Variants in HPR observed in about 807,000 individuals in gnomAD.
The protein encoded by HPR is haptoglobin-related protein, also known as Haptoglobin-related locus.
In HPR, 17 loss-of-function variants were observed where a neutral mutation model predicts 18.5. The observed-to-expected ratio is 0.92, with a 90% CI of 0.63 to 1.38. The LOEUF (loss-of-function observed/expected upper bound fraction) is 1.38, where lower values mean the gene tolerates loss of function less well. Ranked by LOEUF, HPR falls within the 40% of genes most tolerant of loss-of-function variation. HPR has a pLI of 0.00. For synonymous variants in HPR, 176 were observed against 165.0 expected, an observed-to-expected ratio of 1.07 and a Z score of -0.51; for missense variants, 457 against 432.4, an observed-to-expected ratio of 1.06 and a Z score of -0.51.
intron 1 of HPR, 134 bp from the exon 2 acceptor site, chr16:72,073,758 T>C (rs752786323): frequency 7.6e-6 from 12 of 1,582,534 alleles, no homozygotes; most frequent in South Asian, 1.1e-5. Flanking sequence ...GGCTGCTTAG[T>C]GGGAGGAGTG....
intron 1 of HPR, among the ~76,000 whole-genome samples, chr16:72,067,714 G>T (rs1323401397): frequency 2.6e-5 from 4 of 152,116 alleles, no homozygotes; most frequent in African/African-American, 9.7e-5. Context: ...ACCTATAATT[G>T]AAAGTCTCAT....
At chr16:72,068,935 C>T (rs1413111806) in intron 1 of HPR, among the ~76,000 whole-genome samples, 1 of 152,104 alleles carries the variant, frequency 6.6e-6, no homozygotes, top group Non-Finnish European at 1.5e-5. Context: ...AAAACTCAGG[C>T]CAGATCTAGG....
At chr16:72,067,120 G>A (rs2041606184) in intron 1 of HPR, among the ~76,000 whole-genome samples, 1 of 152,178 alleles carries the variant, frequency 6.6e-6, no homozygotes, top group South Asian at 2.1e-4. Context: ...TCCCAAATTA[G>A]AAAAGGAGAG....
chr16:72,063,592 T>C (rs2041565452), intron 1 of HPR, among the ~76,000 whole-genome samples: 2 of 152,142 alleles, frequency 1.3e-5, no homozygotes, highest in South Asian at 4.1e-4. Flanking sequence ...TCTTTAAAAA[T>C]GTATAATAAG....
At position 72,073,986 on chromosome 16, in the gene HPR, T is replaced by C. The variant is rs770748838; in HGVS notation, c.91+9T>C. 6.2e-7 allele frequency: 1 copy of C among 1,614,042 alleles called. No homozygotes were observed. The highest frequency in any genetic ancestry group is 8.5e-7 in the Non-Finnish European group (1 of 1,179,972). On this transcript the variant is annotated intron_variant, in intron 2 of 4. Transcript: ENST00000540303. ...TGTCACGGATATTTCAGGTCAGTCT[T>C]TGAGTTGGGTAGGAGCATGCATCCC...
At chr16:72,064,346 G>A (rs1174828144) in intron 1 of HPR, among the ~76,000 whole-genome samples, 10 of 152,086 alleles carry the variant, frequency 6.6e-5, no homozygotes. Flanking sequence ...CTGCTTTCAA[G>A]GCCAGACTTC....
chr16:72,065,503 C>T (rs1345545607), intron 1 of HPR, among the ~76,000 whole-genome samples: 1 of 152,112 alleles, frequency 6.6e-6, no homozygotes, highest in East Asian at 1.9e-4. Flanking sequence ...GGATATACCC[C>T]TTGATAGTCC....
In HPR at chr16:72,077,053, G is replaced by A. The variant is rs776331917; in HGVS notation, c.1019G>A (p.Trp340Ter). Residue 340 changes from tryptophan (W) to a stop codon, truncating the protein, a stop_gained, in exon 5 of 5, where the codon TGG becomes TAG. Transcript: ENST00000540303. LOFTEE classifies it high-confidence loss of function. ...GTGAAGGTGACTTCCATCCAGCACT[G>A]GGTTCAGAAGACCATAGCTGAGAAC... ...VYVKVTSIQH[W>*]VQKTIAEN 2.5e-5 allele frequency: 41 copies of A among 1,613,206 alleles called. No homozygotes were observed. The highest frequency in any genetic ancestry group is 1.3e-4 in the East Asian group (6 of 44,854).
intron 1 of HPR, among the ~76,000 whole-genome samples, chr16:72,064,931 A>G (rs1451244762): frequency 1.3e-5 from 2 of 152,198 alleles, no homozygotes; most frequent in Non-Finnish European, 2.9e-5. Context: ...CAGACTCTCA[A>G]CAACGTGGGG....
intron 1 of HPR, among the ~76,000 whole-genome samples, chr16:72,067,092 C>A (rs2041605933): frequency 6.6e-6 from 1 of 152,100 alleles, no homozygotes; most frequent in African/African-American, 2.4e-5. Context: ...GAAGGACAGC[C>A]CCCTTCAAAA....
chr16:72,067,094 C>CTT (rs1215074790), intron 1 of HPR, among the ~76,000 whole-genome samples: 1 of 152,142 alleles, frequency 6.6e-6, no homozygotes, highest in Non-Finnish European at 1.5e-5. Flanking sequence ...AGGACAGCCC[C>CTT]CTTCAAAAGA....
chr16:72,070,971 G>C (rs1415744520), intron 1 of HPR, among the ~76,000 whole-genome samples: 1 of 152,144 alleles, frequency 6.6e-6, no homozygotes, highest in Non-Finnish European at 1.5e-5. Context: ...AGCCACTGCA[G>C]TGTAACCCCT....
intron 1 of HPR, among the ~76,000 whole-genome samples, chr16:72,065,932 C>T (rs1474267098): frequency 2.0e-5 from 3 of 152,166 alleles, no homozygotes; most frequent in Non-Finnish European, 4.4e-5. Context: ...GCTGCTGCTG[C>T]CCCAGATCCC....
chr16:72,074,432 C>G, intron 3 of HPR, 47 bp downstream of exon 3: 1 of 1,462,872 alleles, frequency 6.8e-7, no homozygotes, highest in Non-Finnish European at 9.6e-7. Context: ...AACCCCTGCT[C>G]TGACATTTCC....
rs1439423428 is a variant in HPR, at chr16:72,076,376, C to T, written c.342C>T (p.Ser114=). ...ILGGHLDAKG[S]FPWQAKMVSH... ...GTGGACACCTGGATGCCAAAGGCAG[C>T]TTTCCCTGGCAGGCTAAGATGGTTT... Residue 114 remains serine, a synonymous_variant, in exon 5 of 5, where the codon AGC becomes AGT. Transcript: ENST00000540303. 4 of 1,614,094 alleles carry T rather than the reference C, an allele frequency of 2.5e-6. No individual in the cohort carries two copies. Among genetic ancestry groups the T allele is most frequent in the East Asian group, 2.2e-5 (1 of 44,862 alleles).
At chr16:72,073,848 G>T in intron 1 of HPR, 44 bp from the exon 2 acceptor site, 1 of 1,612,938 alleles carries the variant, frequency 6.2e-7, no homozygotes, top group Non-Finnish European at 8.5e-7. Flanking sequence ...GTGCTGTGAA[G>T]CAGGGAGACC....
chr16:72,076,254 A>G, intron 4 of HPR, 49 bp from the exon 5 acceptor site: 1 of 1,599,252 alleles, frequency 6.3e-7, no homozygotes, highest in Non-Finnish European at 8.5e-7. Context: ...TCTCAGATGG[A>G]AAGGCTCTTG....
chr16:72,066,370 G>T (rs1456139497), intron 1 of HPR, among the ~76,000 whole-genome samples: 3 of 152,138 alleles, frequency 2.0e-5, no homozygotes, highest in Non-Finnish European at 4.4e-5. Flanking sequence ...AGCATGATCC[G>T]TAGGGCTGCT....
rs1376464771 is a variant in HPR at position 72,074,122 on chromosome 16, T to C, written c.91+145T>C. ...TGGGCTTTCAGGACTGCCAAGAACA[T>C]TGGGGATCCTGCCAGAAATGAGGGG... is the stretch of plus-strand genomic sequence containing the variant. On this transcript the variant is annotated intron_variant, in intron 2 of 4. Coordinates refer to ENST00000540303, the MANE Select transcript of HPR (RefSeq NM_020995.4). The C allele has an allele frequency of 9.9e-6, 13 of 1,316,170 alleles. 1 individual carries two copies. Among genetic ancestry groups the C allele is most frequent in the African/African-American group, 4.2e-5 (3 of 70,630 alleles). The allele number at this position is 1,316,170 out of a possible 1,614,324, so 81.5% of individuals were successfully genotyped here. A position where few individuals can be genotyped will look rare whatever the true frequency, so the allele number is the denominator to read the frequency against.
Sources: allele counts gnomAD v4.1 joint callset (sites outside exome capture counted in the v4.1 genomes callset), GRCh38; gene constraint gnomAD v4.1.1; transcripts MANE v1.5; gene names NCBI Gene and HGNC (gene_info 2026-07-23, HGNC 2026-07-21).